Variants in TBC1D31 observed in about 807,000 individuals in gnomAD.
TBC1D31 encodes the protein TBC1 domain family member 31.
Under a neutral mutation model 132.9 loss-of-function variants are expected in TBC1D31, and 99 were observed. That is an observed-to-expected ratio of 0.74 (90% CI 0.63 to 0.88). The LOEUF is 0.88. TBC1D31 is among the 40% of genes least tolerant of loss of function. The pLI is 0.00. For missense variants in TBC1D31, 1,134 were observed against 1,256.6 expected, an observed-to-expected ratio of 0.90 and a Z score of 1.48; for synonymous variants, 385 against 419.4, an observed-to-expected ratio of 0.92 and a Z score of 1.00.
intron 17 of TBC1D31, among the ~76,000 whole-genome samples, chr8:123,134,460 G>A (rs944736936): frequency 2.0e-5 from 3 of 151,964 alleles, no homozygotes; most frequent in East Asian, 1.9e-4. Flanking sequence ...CCTGGAGTTC[G>A]AGGCTGCAGT....
chr8:123,144,671 T>C, intron 19 of TBC1D31, 46 bp from the exon 20 acceptor site: 1 of 1,559,232 alleles, frequency 6.4e-7, no homozygotes, highest in Non-Finnish European at 8.7e-7. Context: ...AAATGTGTAT[T>C]ACTATACTTT....
chr8:123,159,519 C>G, the TBC1D31 span, among the ~76,000 whole-genome samples: 582 of 152,268 alleles, frequency 3.8e-3, 3 homozygotes, highest in African/African-American at 0.013. Context: ...TTGCCGGACG[C>G]GGTGGCTCAC....
At chr8:123,116,090 G>A (rs1818880502) in intron 10 of TBC1D31, among the ~76,000 whole-genome samples, 1 of 152,106 alleles carries the variant, frequency 6.6e-6, no homozygotes, top group Non-Finnish European at 1.5e-5. Context: ...CATTGAAATT[G>A]CTGCTGACAT....
At chr8:123,112,552 C>G (rs1334444435) in intron 10 of TBC1D31, among the ~76,000 whole-genome samples, 1 of 152,154 alleles carries the variant, frequency 6.6e-6, no homozygotes, top group Admixed American at 6.5e-5. Context: ...CATTTTAAAG[C>G]AATGTACAGA....
Position 123,144,744 on chromosome 8 carries a change from C to T in TBC1D31, c.2863C>T (p.Arg955Cys), listed in dbSNP as rs1466759795. The change falls in exon 20 of 22, where the codon CGT becomes TGT. Residue 955 changes from arginine to cysteine, a missense_variant. Transcript: ENST00000287380. Reference sequence around the variant, plus strand: ...GAAGGAAGCTGAAGGAAAAGAGTTCCGTTTGAGATCAGCAAAGAAAGCTTC... The same window carrying T: ...GAAGGAAGCTGAAGGAAAAGAGTTCTGTTTGAGATCAGCAAAGAAAGCTTC... ...KWKEAEGKEF[R>C]LRSAKKASAL... 6 of 1,606,738 alleles carry T rather than the reference C, an allele frequency of 3.7e-6. No homozygotes were observed. Among genetic ancestry groups the T allele is most frequent in the South Asian group, 2.3e-5 (2 of 88,832 alleles).
chr8:123,113,411 C>G (rs182218119), intron 10 of TBC1D31, among the ~76,000 whole-genome samples: 1 of 152,216 alleles, frequency 6.6e-6, no homozygotes, highest in South Asian at 2.1e-4. Context: ...TACTGCTCTG[C>G]TTTTTGGGAA....
At position 123,100,934 on chromosome 8, in the gene TBC1D31, A is replaced by G. The variant is rs753517723; in HGVS notation, c.959A>G (p.Tyr320Cys). The change falls in exon 7 of 22, where the codon TAC (tyrosine) becomes TGC (cysteine). Residue 320 changes from tyrosine (Y) to cysteine (C), a missense_variant. Tyr to Cys is a radical substitution (Grantham distance 194). Coordinates refer to ENST00000287380, the MANE Select transcript of TBC1D31 (RefSeq NM_145647.4). ...SSSAISPHGR[Y>C]IASIMENGSL... ...TCAGCAATTAGCCCACATGGACGGT[A>G]CATTGCATCTATTATGGAAAATGGA... 52 of 1,613,960 alleles carry G rather than the reference A, an allele frequency of 3.2e-5. No homozygotes were observed. Among genetic ancestry groups the G allele is most frequent in the Middle Eastern group, 1.6e-4 (1 of 6,082 alleles).
chr8:123,097,242 AT>A (rs1484820421), intron 5 of TBC1D31, 39 bp from the exon 6 acceptor site: 1 of 1,610,638 alleles, frequency 6.2e-7, no homozygotes, highest in Admixed American at 1.7e-5. Flanking sequence ...GCTACAAACA[AT>A]TGAACCCGTT....
At position 123,077,189 on chromosome 8, in the gene TBC1D31, C is replaced by T. The variant is rs138772307; in HGVS notation, c.156C>T (p.Gly52=). The T allele has an allele frequency of 1.5e-4, 245 of 1,613,202 alleles. No individual in the cohort carries two copies. The African/African-American group carries it at 2.9e-3, about 19-fold the overall frequency. ...GATTTTTGAATGTGGCTTTTGATGG[C>T]ACAGGCGACTGCTTAATTGCTGGGG... is the stretch of plus-strand genomic sequence containing the variant. ...VLRFLNVAFD[G]TGDCLIAGDH... Residue 52 remains glycine (G), a synonymous_variant, in exon 2 of 22, where the codon GGC becomes GGT. Transcript: ENST00000287380.
At chr8:123,081,898 G>A (rs955014003) in intron 2 of TBC1D31, among the ~76,000 whole-genome samples, 1 of 152,212 alleles carries the variant, frequency 6.6e-6, no homozygotes, top group Non-Finnish European at 1.5e-5. Context: ...TGGGAATTAT[G>A]GGAGCCACAA....
intron 8 of TBC1D31, among the ~76,000 whole-genome samples, chr8:123,109,114 C>G (rs553564719): frequency 6.6e-6 from 1 of 152,154 alleles, no homozygotes; most frequent in East Asian, 1.9e-4. Flanking sequence ...AGGGAAGGTA[C>G]TATATCATGA....
the TBC1D31 span, among the ~76,000 whole-genome samples, chr8:123,164,011 T>TA: frequency 6.6e-6 from 1 of 152,222 alleles, no homozygotes; most frequent in Non-Finnish European, 1.5e-5. Flanking sequence ...TTTCCATCTC[T>TA]ATGTATGTAT....
chr8:123,105,109 T>C (rs116042494), intron 7 of TBC1D31, among the ~76,000 whole-genome samples, 179 bp from the exon 8 acceptor site: 232 of 152,326 alleles, frequency 1.5e-3, no homozygotes, highest in African/African-American at 5.4e-3. Flanking sequence ...CAGCAGAAAT[T>C]TGCTTTGATT....
At chr8:123,084,676 T>C (rs1045368168) in intron 4 of TBC1D31, among the ~76,000 whole-genome samples, 1 of 152,238 alleles carries the variant, frequency 6.6e-6, no homozygotes, top group Non-Finnish European at 1.5e-5. Context: ...TGAACACGTG[T>C]ACATTCAGTA....
intron 7 of TBC1D31, chr8:123,104,194 A>C (rs1398366048): frequency 1.3e-5 from 2 of 152,172 alleles, no homozygotes; most frequent in Non-Finnish European, 2.9e-5. Context: ...AAATTTTAGT[A>C]AATTTCAGCT....
chr8:123,108,952 G>C (rs1279366522), intron 8 of TBC1D31, among the ~76,000 whole-genome samples: 2 of 152,156 alleles, frequency 1.3e-5, no homozygotes, highest in Non-Finnish European at 2.9e-5. Context: ...ACAGCATGGG[G>C]GAACTACCCC....
intron 6 of TBC1D31, among the ~76,000 whole-genome samples, chr8:123,100,604 A>ATAATAATAAT (rs1326440675): frequency 6.6e-6 from 1 of 151,356 alleles, no homozygotes; most frequent in African/African-American, 2.4e-5. Flanking sequence ...AATAATAATA[A>ATAATAATAAT]AATAAAATAT....
At chr8:123,147,756 G>A (rs568582407) in intron 20 of TBC1D31, among the ~76,000 whole-genome samples, 2 of 152,244 alleles carry the variant, frequency 1.3e-5, no homozygotes, top group South Asian at 4.1e-4. Context: ...TGTCAGTCAT[G>A]TTCTTAATCA....
In TBC1D31 at chr8:123,109,363, T is replaced by G; in HGVS notation, c.1256T>G (p.Leu419Ter). The change falls in exon 9 of 22, where the codon TTA becomes TGA. Residue 419 changes from leucine to a stop codon, truncating the protein, a stop_gained. Coordinates refer to ENST00000287380, the MANE Select transcript of TBC1D31 (RefSeq NM_145647.4). LOFTEE classifies it high-confidence loss of function. ...AACAAAAAGCGTTTACAAATCTTATTAAAAGGCTATGGTGAATATCCAACA... is the reference window on the plus strand; with the variant it reads ...AACAAAAAGCGTTTACAAATCTTATGAAAAGGCTATGGTGAATATCCAACA... ...GLNKKRLQIL[L>*]KGYGEYPTKY... 1 of 1,609,182 alleles carries G rather than the reference T, an allele frequency of 6.2e-7. No individual in the cohort carries two copies.
Sources: allele counts gnomAD v4.1 joint callset (sites outside exome capture counted in the v4.1 genomes callset), GRCh38; gene constraint gnomAD v4.1.1; transcripts MANE v1.5; gene names NCBI Gene and HGNC (gene_info 2026-07-23, HGNC 2026-07-21).